Variants in UGGT1 observed in about 807,000 individuals in gnomAD.
UGGT1 encodes the protein UDP-glucose:glycoprotein glucosyltransferase 1.
In UGGT1, 107 loss-of-function variants were observed where a neutral mutation model predicts 203.9. The ratio of observed to expected loss-of-function variants is 0.52; its 90% CI spans 0.45 to 0.62. The LOEUF (loss-of-function observed/expected upper bound fraction) is 0.62, where lower values mean the gene tolerates loss of function less well. Among genes scored for constraint, UGGT1 ranks in the 20% least tolerant of loss-of-function variants. The probability of loss-of-function intolerance (pLI) is 0.00; values close to 1 mark genes in which losing one functional copy is unlikely to be tolerated. For synonymous variants in UGGT1, 628 were observed against 653.5 expected, an observed-to-expected ratio of 0.96 and a Z score of 0.59; for missense variants, 1,673 against 1,867.2, an observed-to-expected ratio of 0.90 and a Z score of 1.92.
chr2:128,163,319 T>A (rs895454795), intron 25 of UGGT1, among the ~76,000 whole-genome samples: 6 of 152,002 alleles, frequency 3.9e-5, no homozygotes, highest in African/African-American at 1.5e-4. Flanking sequence ...ACATTCACAG[T>A]GCTCTTTTAA....
intron 16 of UGGT1, among the ~76,000 whole-genome samples, chr2:128,140,817 A>C (rs1346620589): frequency 1.3e-5 from 2 of 152,140 alleles, no homozygotes; most frequent in African/African-American, 4.8e-5. Flanking sequence ...AGCTGAGACT[A>C]CAGGCATGCA....
Position 128,192,109 on chromosome 2 carries a change from G to T in UGGT1, c.*2367G>T, listed in dbSNP as rs1260995734. ...TGTTTAATCTGTGCAGGGAAGACAA[G>T]AGTAGACCATATTCTCTGTGTGCTG... On this transcript the variant is annotated 3_prime_UTR_variant, in exon 41 of 41. Transcript: ENST00000259253. The T allele has an allele frequency of 6.6e-6, 1 of 152,188 alleles. No individual in the cohort carries two copies. Among genetic ancestry groups the T allele is most frequent in the Non-Finnish European group, 1.5e-5 (1 of 68,052 alleles). The allele number at this position is 152,188 out of a possible 1,614,324, so 9.4% of individuals were successfully genotyped here. A position where few individuals can be genotyped will look rare whatever the true frequency, so the allele number is the denominator to read the frequency against.
At chr2:128,115,014 C>T in intron 6 of UGGT1, 110 bp from the exon 7 acceptor site, 1 of 876,926 alleles carries the variant, frequency 1.1e-6, no homozygotes, top group Non-Finnish European at 1.8e-6. Context: ...ATTTTGAGGG[C>T]ATAATCCGAG....
intron 11 of UGGT1, among the ~76,000 whole-genome samples, 173 bp downstream of exon 11, chr2:128,123,419 A>G (rs4633871): frequency 0.9 from 137,005 of 152,176 alleles, 62,458 homozygotes; most frequent in Non-Finnish European, 0.98. Context: ...CAGTATGCAC[A>G]TAACTGAAAG....
chr2:128,116,125 T>A, intron 7 of UGGT1, 140 bp from the exon 8 acceptor site: 1 of 549,890 alleles, frequency 1.8e-6, no homozygotes, highest in Non-Finnish European at 3.2e-6. Flanking sequence ...ATTGTGATAG[T>A]CAGCATTTTA....
intron 34 of UGGT1, 75 bp from the exon 35 acceptor site, chr2:128,179,711 G>A (rs987656702): frequency 3.9e-6 from 5 of 1,283,620 alleles, no homozygotes; most frequent in South Asian, 2.6e-5. Context: ...TAGGTGTCTC[G>A]TGATTGACTC....
At chr2:128,132,171 C>T (rs1407866492) in intron 13 of UGGT1, among the ~76,000 whole-genome samples, 2 of 152,040 alleles carry the variant, frequency 1.3e-5, no homozygotes, top group Non-Finnish European at 2.9e-5. Context: ...ATGTTTATTG[C>T]CCATTTGGGT....
intron 18 of UGGT1, among the ~76,000 whole-genome samples, chr2:128,146,317 A>C (rs147310623): frequency 1.0e-3 from 153 of 152,230 alleles, no homozygotes; most frequent in Middle Eastern, 3.4e-3. Flanking sequence ...TCCCGTTAAA[A>C]AAAACAAAAC....
At chr2:128,161,106 G>A in intron 24 of UGGT1, 32 bp from the exon 25 acceptor site, 1 of 1,611,346 alleles carries the variant, frequency 6.2e-7, no homozygotes, top group Non-Finnish European at 8.5e-7. Flanking sequence ...CAGCCTTCCA[G>A]AGCTAAGCGC....
intron 13 of UGGT1, among the ~76,000 whole-genome samples, chr2:128,129,397 ATT>A (rs70988610): frequency 0.013 from 1,674 of 132,156 alleles, 26 homozygotes; most frequent in African/African-American, 0.038. Flanking sequence ...TAAGACAGTG[ATT>A]TTTTTTTTTT....
intron 13 of UGGT1, among the ~76,000 whole-genome samples, chr2:128,132,420 T>C (rs1688923111): frequency 6.6e-6 from 1 of 151,924 alleles, no homozygotes; most frequent in Non-Finnish European, 1.5e-5. Flanking sequence ...TGTTGGTGGG[T>C]GCCTGTAATT....
chr2:128,186,226 T>G (rs1267940963), intron 38 of UGGT1, among the ~76,000 whole-genome samples: 4 of 152,250 alleles, frequency 2.6e-5, no homozygotes, highest in Non-Finnish European at 5.9e-5. Flanking sequence ...AAGGCATTGG[T>G]AAGGACCTTT....
intron 1 of UGGT1, among the ~76,000 whole-genome samples, chr2:128,095,632 G>T (rs566155060): frequency 1.0e-3 from 155 of 152,184 alleles, no homozygotes; most frequent in Non-Finnish European, 1.5e-3. Context: ...GGGACCATAG[G>T]TGCATGCCAC....
At chr2:128,132,459 A>G (rs1268592639) in intron 13 of UGGT1, among the ~76,000 whole-genome samples, 1 of 152,140 alleles carries the variant, frequency 6.6e-6, no homozygotes, top group Non-Finnish European at 1.5e-5. Flanking sequence ...GAGGCACGAG[A>G]ATCGTTTGAA....
rs1691513419 is a variant in UGGT1 at position 128,178,486 on chromosome 2, G to A, written c.3732G>A (p.Lys1244=). ...GTTATAGGGGCTTTACAGGACAGAA[G>A]ACTGAGGAAGTGAAGCAAGATAAAG... ...DSFKWGFTGQ[K]TEEVKQDKDD... The change falls in exon 34 of 41, where the codon AAG becomes AAA. Residue 1244 remains lysine (K), a synonymous_variant. Coordinates refer to ENST00000259253, the MANE Select transcript of UGGT1 (RefSeq NM_020120.4). The A allele has an allele frequency of 1.2e-6, 2 of 1,613,890 alleles. No individual in the cohort carries two copies. The highest frequency in any genetic ancestry group is 4.5e-5 in the East Asian group (2 of 44,886).
chr2:128,185,197 C>CT (rs1219137894), intron 38 of UGGT1, among the ~76,000 whole-genome samples: 10 of 144,638 alleles, frequency 6.9e-5, no homozygotes, highest in Admixed American at 1.4e-4. Flanking sequence ...ATTTGTTTCT[C>CT]TCTTTTTTTT....
chr2:128,160,736 C>T (rs1690485627), intron 24 of UGGT1, 145 bp downstream of exon 24: 7 of 1,224,872 alleles, frequency 5.7e-6, no homozygotes, highest in Non-Finnish European at 6.6e-6. Context: ...ATGTTTCTGC[C>T]TCCTATTTCC....
chr2:128,183,576 C>T, intron 37 of UGGT1, 99 bp from the exon 38 acceptor site: 1 of 816,192 alleles, frequency 1.2e-6, no homozygotes, highest in Non-Finnish European at 2.0e-6. Context: ...CAAAGAAAAG[C>T]CAGAATATTT....
chr2:128,117,379 G>A (rs1688156837), intron 8 of UGGT1, among the ~76,000 whole-genome samples: 1 of 152,132 alleles, frequency 6.6e-6, no homozygotes, highest in East Asian at 1.9e-4. Context: ...CGTGAGCCAT[G>A]GCCCCCAGCT....
Sources: gnomAD v4.1 joint callset for allele counts (sites outside exome capture counted in the v4.1 genomes callset) on GRCh38, gnomAD v4.1.1 for gene constraint, MANE v1.5 for transcripts, NCBI Gene and HGNC (gene_info 2026-07-23, HGNC 2026-07-21) for gene names.